WDR26: variants seen among roughly 807,000 people sequenced by gnomAD.
WDR26 encodes WD repeat-containing protein 26.
WDR26 carries 5 observed loss-of-function variants against 84.1 expected under a neutral mutation model. The observed-to-expected ratio is 0.06, with a 90% confidence interval of 0.03 to 0.13. WDR26 has a LOEUF of 0.13. WDR26 is among the 10% of genes least tolerant of loss of function. The pLI, the probability that WDR26 is intolerant of heterozygous loss-of-function variation, is 1.00. For missense variants in WDR26, 642 were observed against 974.9 expected (o/e 0.66, Z 4.55); for synonymous variants, 415 against 389.6 (o/e 1.07, Z -0.77).
In WDR26 at chr1:224,433,818, G is replaced by T; in HGVS notation, c.588C>A (p.Ser196=). 2.0e-6 allele frequency: 3 copies of T among 1,536,922 alleles called. No homozygotes were observed. Among genetic ancestry groups the T allele is most frequent in the Non-Finnish European group, 2.6e-6 (3 of 1,146,802 alleles). ...AGGAAGAGGAGGCGGCGGTGGTGGC[G>T]GAGGCAGCTGCGACGGTGGCTGAGG... The change falls in exon 1 of 14, where the codon TCC becomes TCA. Residue 196 remains serine, a synonymous_variant. Transcript: ENST00000414423.
At chr1:224,431,937 T>C (rs970007283) in intron 1 of WDR26, among the ~76,000 whole-genome samples, 156 bp from the exon 2 acceptor site, 1 of 152,224 alleles carries the variant, frequency 6.6e-6, no homozygotes, top group Admixed American at 6.5e-5. Context: ...ACAAACTTTA[T>C]TTAAAACTGA....
intron 13 of WDR26, among the ~76,000 whole-genome samples, chr1:224,390,101 C>A (rs1282167942): frequency 1.3e-5 from 2 of 152,040 alleles, no homozygotes; most frequent in Admixed American, 6.6e-5. Context: ...ACTGAAGAAA[C>A]CCAAGTGAAT....
At chr1:224,413,107 T>C (rs1319581573) in intron 6 of WDR26, 1 of 197,074 alleles carries the variant, frequency 5.1e-6, no homozygotes, top group African/African-American at 2.3e-5. Flanking sequence ...GAGAATCGCT[T>C]GAATGTGGGA....
intron 3 of WDR26, chr1:224,429,693 T>G (rs1674330757): frequency 6.6e-6 from 1 of 152,202 alleles, no homozygotes; most frequent in South Asian, 2.1e-4. Context: ...AGATTTAATC[T>G]TCATCTTTTA....
intron 6 of WDR26, among the ~76,000 whole-genome samples, chr1:224,412,475 G>C (rs1049121988): frequency 1.3e-5 from 2 of 152,172 alleles, no homozygotes; most frequent in African/African-American, 4.8e-5. Flanking sequence ...ATAAGAGGAA[G>C]AGAAAATGAC....
At chr1:224,427,103 CCAAA>C (rs1269608750) in intron 3 of WDR26, among the ~76,000 whole-genome samples, 4 of 91,166 alleles carry the variant, frequency 4.4e-5, no homozygotes, top group Non-Finnish European at 4.2e-5. Flanking sequence ...AACTCTGTCT[CCAAA>C]AAAAAAAAAA....
In WDR26 at chr1:224,389,574, A is replaced by C. The variant is rs938823226; in HGVS notation, c.*261T>G. ...ATACTGAGTTCAATGGGTAAGCCTG[A>C]ATGTAGCACAGTTCTTCACAACCGA... is the stretch of plus-strand genomic sequence containing the variant. On this transcript the variant is annotated 3_prime_UTR_variant, in exon 14 of 14. Transcript: ENST00000414423. 8 of 557,904 alleles carry C rather than the reference A, an allele frequency of 1.4e-5. No homozygotes were observed. The highest frequency in any genetic ancestry group is 2.2e-5 in the Non-Finnish European group (7 of 322,324). 34.6% of individuals were successfully genotyped at this position (557,904 alleles called of 1,614,324 possible). A position where few individuals can be genotyped will look rare whatever the true frequency, so the allele number is the denominator to read the frequency against.
At chr1:224,399,750 TAAAAGA>T (rs1673358705) in intron 9 of WDR26, among the ~76,000 whole-genome samples, 1 of 152,206 alleles carries the variant, frequency 6.6e-6, no homozygotes, top group African/African-American at 2.4e-5. Context: ...ACGAGCTTAA[TAAAAGA>T]AACTGATAAC....
intron 7 of WDR26, among the ~76,000 whole-genome samples, chr1:224,407,171 T>TATATATATATATATATATAA (rs1219084363): frequency 1.1e-5 from 1 of 94,460 alleles, no homozygotes; most frequent in African/African-American, 4.3e-5. Context: ...TATATATATA[T>TATATATATATATATATATAA]AACTCAAAAA....
chr1:224,412,583 C>T (rs1032725796), intron 6 of WDR26, among the ~76,000 whole-genome samples: 14 of 152,092 alleles, frequency 9.2e-5, no homozygotes, highest in African/African-American at 3.1e-4. Flanking sequence ...ATTTATGATC[C>T]GGTTTACCAA....
chr1:224,420,303 C>CCTG (rs1298983692), intron 4 of WDR26, among the ~76,000 whole-genome samples: 1 of 152,060 alleles, frequency 6.6e-6, no homozygotes, highest in Non-Finnish European at 1.5e-5. Context: ...ATGAGGGGCC[C>CCTG]CTGCTGGGAG....
At position 224,389,729 on chromosome 1, in the gene WDR26, AGCAT is replaced by A; in HGVS notation, c.*102_*105del. The A allele has an allele frequency of 8.5e-7, 1 of 1,172,912 alleles. No individual in the cohort carries two copies. Among genetic ancestry groups the A allele is most frequent in the South Asian group, 1.3e-5 (1 of 79,960 alleles). 72.7% of individuals were successfully genotyped at this position (1,172,912 alleles called of 1,614,324 possible). On this transcript the variant is annotated 3_prime_UTR_variant, in exon 14 of 14. Coordinates refer to ENST00000414423, the MANE Select transcript of WDR26 (RefSeq NM_001379403.1). ...CAGAAATGGTTCTTTTTTCATGACG[AGCAT>A]GTCTGTCCAGCTATCAATCATGTTT... is the stretch of plus-strand genomic sequence containing the variant.
chr1:224,433,622 A>ACCCCCCCCCCCCCCCC, intron 1 of WDR26, 62 bp downstream of exon 1: 1 of 852,368 alleles, frequency 1.2e-6, no homozygotes, highest in South Asian at 3.9e-5. Context: ...CCCTTCCCCT[A>ACCCCCCCCCCCCCCCC]CCCCCCTGGA....
chr1:224,391,672 G>A (rs1325427077), intron 13 of WDR26, among the ~76,000 whole-genome samples: 2 of 152,184 alleles, frequency 1.3e-5, no homozygotes, highest in South Asian at 2.1e-4. Flanking sequence ...GATTACAGGC[G>A]CAAGCCATCA....
intron 9 of WDR26, 100 bp from the exon 10 acceptor site, chr1:224,399,134 G>GT (rs377025189): frequency 0.14 from 119,762 of 872,420 alleles, 106 homozygotes; most frequent in East Asian, 0.18. Flanking sequence ...TTAGTAACAG[G>GT]TTTTTTTTTT....
At chr1:224,407,122 TAAAAAAAAAA>T (rs1158264938) in intron 7 of WDR26, among the ~76,000 whole-genome samples, 1 of 11,678 alleles carries the variant, frequency 8.6e-5, no homozygotes, top group Non-Finnish European at 1.4e-4. Flanking sequence ...ACTCTGTCTT[TAAAAAAAAAA>T]AAAAAAAAAA....
rs1053709680 is a variant in WDR26, at chr1:224,388,496, G to C, written c.*1339C>G. ...ATGTGAAATTCTCAAAATTAAAAGT[G>C]CTTTTCCATGAAGGAAACCTTTCCT... On this transcript the variant is annotated 3_prime_UTR_variant, in exon 14 of 14. Transcript: ENST00000414423. 2.0e-5 allele frequency: 3 copies of C among 152,456 alleles called. No individual in the cohort carries two copies. The highest frequency in any genetic ancestry group is 7.2e-5 in the African/African-American group (3 of 41,444). 9.4% of individuals were successfully genotyped at this position (152,456 alleles called of 1,614,324 possible).
At chr1:224,400,133 C>T (rs1472108822) in intron 9 of WDR26, among the ~76,000 whole-genome samples, 1 of 152,034 alleles carries the variant, frequency 6.6e-6, no homozygotes, top group Non-Finnish European at 1.5e-5. Context: ...ATAAAGTTTA[C>T]CTTGCCATAA....
chr1:224,389,688 G>T lies in WDR26; in HGVS notation c.*147C>A. ...ACTATGAAGCAAGGTGTAAATGTTT[G>T]GCCCCAATCGGGCTTCAGAAATGGT... On this transcript the variant is annotated 3_prime_UTR_variant, in exon 14 of 14. Coordinates refer to ENST00000414423, the MANE Select transcript of WDR26 (RefSeq NM_001379403.1). 1 of 787,876 alleles carries T rather than the reference G, an allele frequency of 1.3e-6. No individual in the cohort carries two copies. The highest frequency in any genetic ancestry group is 2.1e-6 in the Non-Finnish European group (1 of 467,576). 48.8% of individuals were successfully genotyped at this position (787,876 alleles called of 1,614,324 possible). A position where few individuals can be genotyped will look rare whatever the true frequency, so the allele number is the denominator to read the frequency against.
Sources: gnomAD v4.1 joint callset for allele counts (sites outside exome capture counted in the v4.1 genomes callset) on GRCh38, gnomAD v4.1.1 for gene constraint, MANE v1.5 for transcripts, NCBI Gene and HGNC (gene_info 2026-07-23, HGNC 2026-07-21) for gene names.